NEMP1: variants seen among roughly 807,000 people sequenced by gnomAD.
The protein encoded by NEMP1 is transmembrane protein 194.
In NEMP1, 29 loss-of-function variants were observed where a neutral mutation model predicts 53.7. The observed-to-expected ratio is 0.54, with a 90% CI of 0.40 to 0.74. NEMP1 has a LOEUF of 0.74. Ranked by LOEUF, NEMP1 falls within the 30% of genes least tolerant of loss-of-function variation. The probability of loss-of-function intolerance (pLI) is 0.00; values close to 1 mark genes in which losing one functional copy is unlikely to be tolerated. For synonymous variants in NEMP1, 193 were observed against 192.9 expected, an observed-to-expected ratio of 1.00 and a Z score of 0.00; for missense variants, 477 against 528.6, an observed-to-expected ratio of 0.90 and a Z score of 0.96.
At chr12:57,087,798 C>T (rs1233867376) in intron 1 of NEMP1, among the ~76,000 whole-genome samples, 1 of 152,070 alleles carries the variant, frequency 6.6e-6, no homozygotes, top group East Asian at 1.9e-4. Flanking sequence ...AGATTCCGGA[C>T]TAGGGGAAAC....
At position 57,078,624 on chromosome 12, in the gene NEMP1, CCGT is replaced by C. The variant is rs760261747; in HGVS notation, c.119_121del (p.Tyr40_Gly41delinsCys). 21 of 1,611,818 alleles carry C rather than the reference CCGT, an allele frequency of 1.3e-5. No homozygotes were observed. Among genetic ancestry groups the C allele is most frequent in the Non-Finnish European group, 1.6e-5 (19 of 1,179,048 alleles). On this transcript the variant is annotated inframe_deletion, in exon 1 of 9. Transcript: ENST00000300128. ...AGCTGCTGCCCGGGCGGTACCTGTG[CCGT>C]AGACCAAGCAGCCGGAGAGGATCAA...
In NEMP1 at chr12:57,056,767, C is replaced by T. The variant is rs1276956098; in HGVS notation, c.*3112G>A. The T allele has an allele frequency of 6.6e-6, 1 of 152,010 alleles. No individual in the cohort carries two copies. Among genetic ancestry groups the T allele is most frequent in the East Asian group, 1.9e-4 (1 of 5,200 alleles). 9.4% of individuals were successfully genotyped at this position (152,010 alleles called of 1,614,324 possible). On this transcript the variant is annotated 3_prime_UTR_variant, in exon 9 of 9. Transcript: ENST00000300128. ...ATCAGGGCCTGGGGGGACTATCTGGCCTATTTGGGTTCTTTCATTCACCAA... is the reference window on the plus strand; with the variant it reads ...ATCAGGGCCTGGGGGGACTATCTGGTCTATTTGGGTTCTTTCATTCACCAA...
chr12:57,072,247 G>A (rs2032386452), intron 2 of NEMP1, among the ~76,000 whole-genome samples: 1 of 152,126 alleles, frequency 6.6e-6, no homozygotes, highest in Non-Finnish European at 1.5e-5. Context: ...AGACCAGCCT[G>A]GCCAACATGA....
At chr12:57,087,891 C>T (rs2033062355) in intron 1 of NEMP1, 1 of 152,276 alleles carries the variant, frequency 6.6e-6, no homozygotes, top group South Asian at 2.1e-4. Flanking sequence ...GGGCCGGGCC[C>T]TTAGAGCCCC....
Position 57,057,497 on chromosome 12 carries a change from G to C in NEMP1, c.*2382C>G, listed in dbSNP as rs1230562503. 1 of 152,554 alleles carries C rather than the reference G, an allele frequency of 6.6e-6. No homozygotes were observed. Among genetic ancestry groups the C allele is most frequent in the Non-Finnish European group, 1.5e-5 (1 of 68,286 alleles). 9.5% of individuals were successfully genotyped at this position (152,554 alleles called of 1,614,324 possible). On this transcript the variant is annotated 3_prime_UTR_variant, in exon 9 of 9. Transcript: ENST00000300128. ...GAAGTCAAGCAATCTCCGGAACACA[G>C]AGGATCTGAAGCATCTGGGCAGAGC...
At chr12:57,063,966 G>T (rs1320197220) in intron 6 of NEMP1, 105 bp downstream of exon 6, 2 of 634,870 alleles carry the variant, frequency 3.2e-6, no homozygotes, top group Non-Finnish European at 5.4e-6. Context: ...TTAAAAAAAT[G>T]ACATGAACTA....
At chr12:57,063,090 A>G (rs1258705596) in intron 7 of NEMP1, 29 bp downstream of exon 7, 1 of 1,538,854 alleles carries the variant, frequency 6.5e-7, no homozygotes. Context: ...TGTACCTGTC[A>G]ATATTAAGTT....
intron 5 of NEMP1, 32 bp from the exon 6 acceptor site, chr12:57,064,217 G>C: frequency 7.2e-7 from 1 of 1,391,610 alleles, no homozygotes; most frequent in Non-Finnish European, 9.9e-7. Flanking sequence ...AAAGCAAAAA[G>C]TTACAACAGG....
In NEMP1 at chr12:57,063,974, C is replaced by T. The variant is rs187027478; in HGVS notation, c.754+97G>A. ...TAAAAGTTTAAAAAAATGACATGAACTATTAAATCCCATAAGCAGGCAAAA... is the reference window on the plus strand; with the variant it reads ...TAAAAGTTTAAAAAAATGACATGAATTATTAAATCCCATAAGCAGGCAAAA... On this transcript the variant is annotated intron_variant, in intron 6 of 8. Transcript: ENST00000300128. 127 of 664,038 alleles carry T rather than the reference C, an allele frequency of 1.9e-4. No individual in the cohort carries two copies. The African/African-American group carries it at 2.4e-3, about 13-fold the overall frequency. The allele number at this position is 664,038 out of a possible 1,614,324, so 41.1% of individuals were successfully genotyped here. A position where few individuals can be genotyped will look rare whatever the true frequency, so the allele number is the denominator to read the frequency against.
At chr12:57,081,253 T>C (rs1334035865), upstream of NEMP1, among the ~76,000 whole-genome samples, 5 of 152,184 alleles carry the variant, frequency 3.3e-5, no homozygotes, top group Admixed American at 6.5e-5. Context: ...TTTTTGTTTT[T>C]GTTTTTTGAG....
chr12:57,080,077 A>G (rs2136524318), upstream of NEMP1, among the ~76,000 whole-genome samples: 1 of 152,252 alleles, frequency 6.6e-6, no homozygotes, highest in East Asian at 1.9e-4. Context: ...CTCCCACTTC[A>G]ATCTCCCAAG....
intron 1 of NEMP1, among the ~76,000 whole-genome samples, chr12:57,077,359 G>A (rs1375642231): frequency 2.6e-5 from 4 of 151,322 alleles, no homozygotes; most frequent in Non-Finnish European, 5.9e-5. Flanking sequence ...TTAGCCGGGC[G>A]TGGTGGCGGG....
At chr12:57,066,970 C>G (rs1356371116) in intron 4 of NEMP1, among the ~76,000 whole-genome samples, 2 of 152,160 alleles carry the variant, frequency 1.3e-5, no homozygotes, top group Non-Finnish European at 2.9e-5. Context: ...AACTGTGAGT[C>G]CATTAAACTT....
chr12:57,062,545 C>T (rs1463879444), intron 7 of NEMP1, among the ~76,000 whole-genome samples: 3 of 151,664 alleles, frequency 2.0e-5, no homozygotes, highest in South Asian at 2.1e-4. Flanking sequence ...CAATTTGTGG[C>T]GGGGCGCAGT....
intron 3 of NEMP1, 92 bp downstream of exon 3, chr12:57,070,582 T>C: frequency 9.0e-7 from 1 of 1,112,826 alleles, no homozygotes. Context: ...TGGAGCTGTC[T>C]TAGGCTGACT....
At chr12:57,084,172 G>A (rs982259122) in intron 1 of NEMP1, among the ~76,000 whole-genome samples, 3 of 152,094 alleles carry the variant, frequency 2.0e-5, no homozygotes, top group East Asian at 1.9e-4. Context: ...TATGTTGGCC[G>A]GCTTGTCTTG....
At chr12:57,087,317 G>A (rs1312636654) in intron 1 of NEMP1, among the ~76,000 whole-genome samples, 2 of 152,156 alleles carry the variant, frequency 1.3e-5, no homozygotes, top group Non-Finnish European at 2.9e-5. Context: ...TGGGAGGGAG[G>A]GGGGCGCCTC....
chr12:57,065,238 T>C (rs2032014890), intron 4 of NEMP1, among the ~76,000 whole-genome samples: 1 of 152,154 alleles, frequency 6.6e-6, no homozygotes, highest in Non-Finnish European at 1.5e-5. Flanking sequence ...AATGAAGATT[T>C]CTCTAAAGCA....
intron 1 of NEMP1, among the ~76,000 whole-genome samples, chr12:57,083,796 G>A (rs573388112): frequency 4.3e-4 from 66 of 152,254 alleles, no homozygotes; most frequent in African/African-American, 1.6e-3. Context: ...TTTTTGAGAC[G>A]GAGTTTTGCT....
Sources: gnomAD v4.1 joint callset for allele counts (sites outside exome capture counted in the v4.1 genomes callset) on GRCh38, gnomAD v4.1.1 for gene constraint, MANE v1.5 for transcripts, NCBI Gene and HGNC (gene_info 2026-07-23, HGNC 2026-07-21) for gene names.